Variants in CMTM3 observed in about 807,000 individuals in gnomAD.
The protein encoded by CMTM3 is CKLF-like MARVEL transmembrane domain-containing protein 3.
CMTM3 carries 7 observed loss-of-function variants against 18.2 expected under a neutral mutation model. That is an observed-to-expected ratio of 0.38 (90% CI 0.22 to 0.72). CMTM3 has a LOEUF of 0.72. CMTM3 is among the 30% of genes least tolerant of loss of function. The pLI is 0.46. For synonymous variants in CMTM3, 109 were observed against 111.2 expected (o/e 0.98, Z 0.12); for missense variants, 227 against 249.2 (o/e 0.91, Z 0.60).
intron 1 of CMTM3, among the ~76,000 whole-genome samples, chr16:66,607,472 G>A (rs1193589567): frequency 1.3e-5 from 2 of 152,060 alleles, no homozygotes; most frequent in South Asian, 2.1e-4. Flanking sequence ...AGATTTTTTT[G>A]CTTTATCTAT....
intron 4 of CMTM3, chr16:66,611,014 C>A (rs1439448771): frequency 1.5e-5 from 6 of 397,720 alleles, no homozygotes; most frequent in Non-Finnish European, 2.2e-5. Context: ...GCAAGTGATC[C>A]CAGACAACCA....
chr16:66,610,213 G>A lies in CMTM3; in HGVS notation c.520+210G>A, dbSNP rs995696972. Among the ~76,000 whole-genome samples, 1 of 152,174 alleles carries A rather than the reference G, an allele frequency of 6.6e-6. No individual in the cohort carries two copies. Among genetic ancestry groups the A allele is most frequent in the Non-Finnish European group, 1.5e-5 (1 of 68,030 alleles). ...TGCACCCTCACCCCAGCCTTTCTAG[G>A]AGGGGCAAGCAGTGGGCATGGCTGA... On this transcript the variant is annotated intron_variant, in intron 4 of 4. Coordinates refer to ENST00000567572, the MANE Select transcript of CMTM3 (RefSeq NM_181553.4). The surrounding 1 kb of genome is among the most constrained non-coding windows in gnomAD (Gnocchi z 4.6).
In CMTM3 at chr16:66,612,681, AC is replaced by A; in HGVS notation, c.*48del. On this transcript the variant is annotated 3_prime_UTR_variant, in exon 5 of 5. Coordinates refer to ENST00000567572, the MANE Select transcript of CMTM3 (RefSeq NM_181553.4). This position sits in a 1 kb window ranked among gnomAD's most constrained non-coding sequence, Gnocchi z 6.0. ...GGCAACCTGAGCCACACAGGCCTCC[AC>A]CCCTGCGCCTCACAGGGGTCGCTGG... The A allele has an allele frequency of 6.2e-7, 1 of 1,603,024 alleles. No individual in the cohort carries two copies. The highest frequency in any genetic ancestry group is 8.5e-7 in the Non-Finnish European group (1 of 1,171,462).
At position 66,608,880 on chromosome 16, in the gene CMTM3, C is replaced by G. The variant is rs1179031855; in HGVS notation, c.303+416C>G. 6.6e-6 allele frequency among the ~76,000 whole-genome samples: 1 copy of G among 152,226 alleles called. No individual in the cohort carries two copies. Among genetic ancestry groups the G allele is most frequent in the Admixed American group, 6.5e-5 (1 of 15,282 alleles). On this transcript the variant is annotated intron_variant, in intron 2 of 4. Transcript: ENST00000567572. The surrounding 1 kb of genome is among the most constrained non-coding windows in gnomAD (Gnocchi z 5.1). ...CCTCGTTTTATCACCTGTGAGGGCC[C>G]AGACCCCAGTGGACCTCGCTGAATG... is the stretch of plus-strand genomic sequence containing the variant.
chr16:66,611,850 G>A (rs1374502704), intron 4 of CMTM3, among the ~76,000 whole-genome samples: 1 of 152,026 alleles, frequency 6.6e-6, no homozygotes, highest in African/African-American at 2.4e-5. Context: ...TTGGGGGAGG[G>A]GGATTGAAGA....
chr16:66,607,089 T>A (rs1294778176), intron 1 of CMTM3, among the ~76,000 whole-genome samples: 2 of 152,196 alleles, frequency 1.3e-5, no homozygotes, highest in Non-Finnish European at 2.9e-5. Flanking sequence ...AGTCTTCTCA[T>A]CTGTCAAGTG....
chr16:66,613,167 C>A lies in CMTM3; in HGVS notation c.*530C>A. On this transcript the variant is annotated 3_prime_UTR_variant, in exon 5 of 5. Transcript: ENST00000567572. ...GTTCAAGGAGCACCAGTTCCCTCTTCATTCTTGAAGCAGGGAGAAATTGAC... is the reference window on the plus strand; with the variant it reads ...GTTCAAGGAGCACCAGTTCCCTCTTAATTCTTGAAGCAGGGAGAAATTGAC... 1 of 702,374 alleles carries A rather than the reference C, an allele frequency of 1.4e-6. No homozygotes were observed. The highest frequency in any genetic ancestry group is 1.5e-5 in the South Asian group (1 of 67,574). The allele number at this position is 702,374 out of a possible 1,614,324, so 43.5% of individuals were successfully genotyped here.
rs1234190814 is a variant in CMTM3, at chr16:66,609,765, G to C, written c.400-118G>C. ...CCACTTCCGTTACTCACAGGGGTCT[G>C]TGCCTGACACTCGGGCTGTTTGTCC... On this transcript the variant is annotated intron_variant, in intron 3 of 4. Coordinates refer to ENST00000567572, the MANE Select transcript of CMTM3 (RefSeq NM_181553.4). The surrounding 1 kb of genome is among the most constrained non-coding windows in gnomAD (Gnocchi z 4.4). 6.2e-7 allele frequency: 1 copy of C among 1,600,830 alleles called. No individual in the cohort carries two copies. The highest frequency in any genetic ancestry group is 8.5e-7 in the Non-Finnish European group (1 of 1,173,690).
In CMTM3 at chr16:66,610,468, G is replaced by A. The variant is rs2015334971; in HGVS notation, c.520+465G>A. ...CCGTACCAGGGGAGGGGCCAGATGG[G>A]GCAGCAATGACGACAGTAAAACAGG... is the stretch of plus-strand genomic sequence containing the variant. On this transcript the variant is annotated intron_variant, in intron 4 of 4. Transcript: ENST00000567572. The surrounding 1 kb of genome is among the most constrained non-coding windows in gnomAD (Gnocchi z 4.6). Among the ~76,000 whole-genome samples the A allele has an allele frequency of 6.6e-6, 1 of 152,204 alleles. No homozygotes were observed. Among genetic ancestry groups the A allele is most frequent in the Non-Finnish European group, 1.5e-5 (1 of 68,040 alleles).
chr16:66,608,319 T>G lies in CMTM3; in HGVS notation c.158T>G (p.Phe53Cys). ...ACTCCTTCCCCGCAGGGTCTCTCAT[T>G]CATCACTTTTATCTGCTATGTGGCG... ...RLLLAESGLS[F>C]ITFICYVASS... The change falls in exon 2 of 5, where the codon TTC (phenylalanine) becomes TGC (cysteine). Residue 53 changes from phenylalanine to cysteine, a missense_variant. Physicochemically the swap from Phe to Cys is radical, Grantham distance 205 (BLOSUM62 -2). Coordinates refer to ENST00000567572, the MANE Select transcript of CMTM3 (RefSeq NM_181553.4). This position sits in a 1 kb window ranked among gnomAD's most constrained non-coding sequence, Gnocchi z 5.1. 1 of 1,614,192 alleles carries G rather than the reference T, an allele frequency of 6.2e-7. No homozygotes were observed. Among genetic ancestry groups the G allele is most frequent in the Non-Finnish European group, 8.5e-7 (1 of 1,180,030 alleles).
chr16:66,609,666 T>C lies in CMTM3; in HGVS notation c.399+136T>C. On this transcript the variant is annotated intron_variant, in intron 3 of 4. Transcript: ENST00000567572. The surrounding 1 kb of genome is among the most constrained non-coding windows in gnomAD (Gnocchi z 4.4). ...GTGGGTCCCGATGATGATTCCAAAG[T>C]CCTCTCATTAAAGACTGACTCTACC... 1 of 1,529,414 alleles carries C rather than the reference T, an allele frequency of 6.5e-7. No homozygotes were observed. 94.7% of individuals were successfully genotyped at this position (1,529,414 alleles called of 1,614,324 possible).
rs542168168 is a variant in CMTM3, at chr16:66,612,648, G to A, written c.*11G>A. 2.5e-6 allele frequency: 4 copies of A among 1,613,788 alleles called. No individual in the cohort carries two copies. The highest frequency in any genetic ancestry group is 3.4e-6 in the Non-Finnish European group (4 of 1,179,876). On this transcript the variant is annotated 3_prime_UTR_variant, in exon 5 of 5. Coordinates refer to ENST00000567572, the MANE Select transcript of CMTM3 (RefSeq NM_181553.4). The surrounding 1 kb of genome is among the most constrained non-coding windows in gnomAD (Gnocchi z 6.0). ...TCGGACTCTGACTGAAGGCCTGGCG[G>A]GTGCCTTGGCAACCTGAGCCACACA...
rs553240113 is a variant in CMTM3, at chr16:66,609,956, T to G, written c.473T>G (p.Leu158Arg). The G allele has an allele frequency of 6.2e-7, 1 of 1,614,080 alleles. No individual in the cohort carries two copies. Among genetic ancestry groups the G allele is most frequent in the Admixed American group, 1.7e-5 (1 of 60,018 alleles). The change falls in exon 4 of 5, where the codon CTC (leucine) becomes CGC (arginine). Residue 158 changes from leucine to arginine, a missense_variant. Physicochemically the swap from Leu to Arg is moderately radical, Grantham distance 102. Coordinates refer to ENST00000567572, the MANE Select transcript of CMTM3 (RefSeq NM_181553.4). The surrounding 1 kb of genome is among the most constrained non-coding windows in gnomAD (Gnocchi z 4.4). ...YLIFNDVAKFLKQGDSADETT... is the reference protein window; with the variant it reads ...YLIFNDVAKFRKQGDSADETT... ...ATCTTTAACGACGTGGCCAAATTCC[T>G]CAAACAAGGGGACTCTGCAGATGAG...
chr16:66,612,465 G>A lies in CMTM3; in HGVS notation c.521-144G>A, dbSNP rs940768561. The A allele has an allele frequency of 9.2e-6, 7 of 757,332 alleles. No homozygotes were observed. Among genetic ancestry groups the A allele is most frequent in the Non-Finnish European group, 6.5e-6 (3 of 458,924 alleles). The allele number at this position is 757,332 out of a possible 1,614,324, so 46.9% of individuals were successfully genotyped here. A position where few individuals can be genotyped will look rare whatever the true frequency, so the allele number is the denominator to read the frequency against. On this transcript the variant is annotated intron_variant, in intron 4 of 4. Transcript: ENST00000567572. The surrounding 1 kb of genome is among the most constrained non-coding windows in gnomAD (Gnocchi z 6.0). Reference sequence around the variant, plus strand: ...AGGCCCGCGGCCTGCCCTGATGCCAGCGATCACTGGGAACGGTAGAGTCAG... The same window carrying A: ...AGGCCCGCGGCCTGCCCTGATGCCAACGATCACTGGGAACGGTAGAGTCAG...
chr16:66,612,699 G>A lies in CMTM3; in HGVS notation c.*62G>A. Reference sequence around the variant, plus strand: ...GGCCTCCACCCCTGCGCCTCACAGGGGTCGCTGGCGTTGGAGCGGAGGCCT... The same window carrying A: ...GGCCTCCACCCCTGCGCCTCACAGGAGTCGCTGGCGTTGGAGCGGAGGCCT... On this transcript the variant is annotated 3_prime_UTR_variant, in exon 5 of 5. Transcript: ENST00000567572. The surrounding 1 kb of genome is among the most constrained non-coding windows in gnomAD (Gnocchi z 6.0). 5 of 1,550,232 alleles carry A rather than the reference G, an allele frequency of 3.2e-6. No homozygotes were observed. Among genetic ancestry groups the A allele is most frequent in the Non-Finnish European group, 4.4e-6 (5 of 1,125,082 alleles).
In CMTM3 at chr16:66,613,456, C is replaced by T; in HGVS notation, c.*819C>T. On this transcript the variant is annotated 3_prime_UTR_variant, in exon 5 of 5. Coordinates refer to ENST00000567572, the MANE Select transcript of CMTM3 (RefSeq NM_181553.4). The stretch of plus-strand genomic sequence containing the variant: ...GGCAGGAGTTCCTGGACCCTCAGGA[C>T]AGTGAACTTCCAGACCTCAGGGCAG... 3.2e-6 allele frequency: 1 copy of T among 311,326 alleles called. No homozygotes were observed. 19.3% of individuals were successfully genotyped at this position (311,326 alleles called of 1,614,324 possible).
chr16:66,605,751 G>A lies in CMTM3; in HGVS notation c.147+799G>A, dbSNP rs2015126721. Among the ~76,000 whole-genome samples the A allele has an allele frequency of 6.6e-6, 1 of 152,334 alleles. No homozygotes were observed. Among genetic ancestry groups the A allele is most frequent in the South Asian group, 2.1e-4 (1 of 4,834 alleles). The stretch of plus-strand genomic sequence containing the variant: ...CGCTCAGGCGCCTGATTTGACAGGT[G>A]GCTCAACTGAGGGGCCCAGTGAGAG... On this transcript the variant is annotated intron_variant, in intron 1 of 4. Coordinates refer to ENST00000567572, the MANE Select transcript of CMTM3 (RefSeq NM_181553.4). The surrounding 1 kb of genome is among the most constrained non-coding windows in gnomAD (Gnocchi z 4.6).
chr16:66,607,374 G>C (rs561476401), intron 1 of CMTM3, among the ~76,000 whole-genome samples: 1 of 152,358 alleles, frequency 6.6e-6, no homozygotes, highest in East Asian at 1.9e-4. Context: ...TAAGGCAGCA[G>C]GGCCTGAGGT....
At position 66,610,139 on chromosome 16, in the gene CMTM3, T is replaced by C; in HGVS notation, c.520+136T>C. The C allele has an allele frequency of 8.4e-6, 9 of 1,074,410 alleles. No homozygotes were observed. In the South Asian group the frequency reaches 1.3e-4, roughly 16 times the overall value. The allele number at this position is 1,074,410 out of a possible 1,614,324, so 66.6% of individuals were successfully genotyped here. A position where few individuals can be genotyped will look rare whatever the true frequency, so the allele number is the denominator to read the frequency against. On this transcript the variant is annotated intron_variant, in intron 4 of 4. Transcript: ENST00000567572. The surrounding 1 kb of genome is among the most constrained non-coding windows in gnomAD (Gnocchi z 4.6). ...CAGGAAGTGTTTTCACAGCCCATTC[T>C]CACCTACCCTCATGCAGCACTGATC... is the stretch of plus-strand genomic sequence containing the variant.
Sources: allele counts gnomAD v4.1 joint callset (sites outside exome capture counted in the v4.1 genomes callset), GRCh38; gene constraint gnomAD v4.1.1; non-coding constraint Gnocchi (gnomAD v3.1); transcripts MANE v1.5; gene names NCBI Gene and HGNC (gene_info 2026-07-23, HGNC 2026-07-21).